Variants in PBX1 observed in about 807,000 individuals in gnomAD.
PBX1 encodes the protein pre-B-cell leukemia transcription factor 1.
A neutral mutation model predicts 53.4 loss-of-function variants in PBX1; 6 were observed. The observed-to-expected ratio is 0.11, with a 90% CI of 0.06 to 0.22. The LOEUF is 0.22. Ranked by LOEUF, PBX1 falls within the 10% of genes least tolerant of loss-of-function variation. The pLI is 1.00. For synonymous variants in PBX1, 204 were observed against 212.3 expected, an observed-to-expected ratio of 0.96 and a Z score of 0.34; for missense variants, 251 against 551.4, an observed-to-expected ratio of 0.46 and a Z score of 5.46.
At chr1:164,754,065 G>A (rs573708610) in intron 2 of PBX1, among the ~76,000 whole-genome samples, 25 of 152,130 alleles carry the variant, frequency 1.6e-4, no homozygotes, top group Non-Finnish European at 3.5e-4. Context: ...TATGTATCTC[G>A]GCAAAGGTGG....
At chr1:164,783,728 GT>G (rs927761470) in intron 2 of PBX1, among the ~76,000 whole-genome samples, 12 of 150,908 alleles carry the variant, frequency 8.0e-5, no homozygotes, top group African/African-American at 1.9e-4. Flanking sequence ...TTTAGTGTAC[GT>G]TTTTTTTTGT....
At chr1:164,839,647 A>G (rs914940392) in intron 8 of PBX1, among the ~76,000 whole-genome samples, 9 of 152,332 alleles carry the variant, frequency 5.9e-5, no homozygotes, top group African/African-American at 1.9e-4. Context: ...TTCTCAGTAC[A>G]GTAAAGGAAG....
intron 2 of PBX1, among the ~76,000 whole-genome samples, chr1:164,673,935 GGGAAA>G (rs1661275664): frequency 6.6e-6 from 1 of 152,174 alleles, no homozygotes; most frequent in East Asian, 1.9e-4. Flanking sequence ...CTCCCTTGTA[GGGAAA>G]GTAAAGGGAT....
At chr1:164,739,614 T>A (rs1169245385) in intron 2 of PBX1, among the ~76,000 whole-genome samples, 1 of 152,184 alleles carries the variant, frequency 6.6e-6, no homozygotes, top group African/African-American at 2.4e-5. Flanking sequence ...TTTGCTTAAA[T>A]TGCTGTCTTT....
chr1:164,690,322 T>G (rs1662392064), intron 2 of PBX1, among the ~76,000 whole-genome samples: 1 of 152,170 alleles, frequency 6.6e-6, no homozygotes, highest in Non-Finnish European at 1.5e-5. Flanking sequence ...TAGAGAGGCC[T>G]CTGTGCTTGC....
chr1:164,674,855 C>G, intron 2 of PBX1: 1 of 88,554 alleles, frequency 1.1e-5, no homozygotes, highest in South Asian at 6.8e-4. Flanking sequence ...CAGCCCCCCC[C>G]CCCCCCCACC....
intron 2 of PBX1, among the ~76,000 whole-genome samples, chr1:164,709,522 G>T (rs1465105428): frequency 6.6e-6 from 1 of 151,982 alleles, no homozygotes; most frequent in African/African-American, 2.4e-5. Flanking sequence ...TGGCAACTCG[G>T]GAAAGACCAC....
intron 2 of PBX1, among the ~76,000 whole-genome samples, chr1:164,754,124 T>A (rs1244883149): frequency 1.3e-5 from 2 of 152,154 alleles, no homozygotes; most frequent in Non-Finnish European, 2.9e-5. Flanking sequence ...TGGGTGATAG[T>A]GTGTGCCCAC....
At chr1:164,835,346 T>C (rs1200171924) in intron 8 of PBX1, among the ~76,000 whole-genome samples, 1 of 151,888 alleles carries the variant, frequency 6.6e-6, no homozygotes, top group Admixed American at 6.6e-5. Flanking sequence ...TTTCTAAAAA[T>C]GGAATTGCTA....
At chr1:164,803,790 T>TGTA (rs1669202430) in intron 4 of PBX1, among the ~76,000 whole-genome samples, 1 of 152,172 alleles carries the variant, frequency 6.6e-6, no homozygotes, top group Non-Finnish European at 1.5e-5. Context: ...TTAAGGAAGA[T>TGTA]GTATGGGAAG....
chr1:164,800,290 C>T (rs755911002), intron 4 of PBX1, among the ~76,000 whole-genome samples: 2 of 152,132 alleles, frequency 1.3e-5, no homozygotes, highest in Non-Finnish European at 2.9e-5. Context: ...GGGATCTTTT[C>T]CACACTGTAG....
chr1:164,726,423 G>A (rs1664702730), intron 2 of PBX1, among the ~76,000 whole-genome samples: 1 of 152,154 alleles, frequency 6.6e-6, no homozygotes, highest in African/African-American at 2.4e-5. Flanking sequence ...ACAGTGATTA[G>A]CAAAGATTGC....
intron 2 of PBX1, among the ~76,000 whole-genome samples, chr1:164,773,699 T>C (rs983157707): frequency 2.0e-5 from 3 of 152,110 alleles, no homozygotes; most frequent in Non-Finnish European, 2.9e-5. Flanking sequence ...GGGCCATGAC[T>C]CTCTCTTCAC....
At chr1:164,587,023 T>C (rs745343166) in intron 2 of PBX1, among the ~76,000 whole-genome samples, 21 of 152,132 alleles carry the variant, frequency 1.4e-4, no homozygotes, top group Non-Finnish European at 2.4e-4. Flanking sequence ...ATGTCATGCA[T>C]AACGAGGTAT....
intron 3 of PBX1, among the ~76,000 whole-genome samples, chr1:164,795,624 T>C (rs1479642149): frequency 2.0e-5 from 3 of 152,236 alleles, no homozygotes; most frequent in Non-Finnish European, 2.9e-5. Context: ...TAATACATTT[T>C]GGATGCTTAA....
chr1:164,587,064 T>C (rs149737004), intron 2 of PBX1, among the ~76,000 whole-genome samples: 40 of 152,290 alleles, frequency 2.6e-4, no homozygotes, highest in African/African-American at 9.4e-4. Context: ...ATGCTTGACA[T>C]TGAGCAGCAT....
chr1:164,790,212 G>C (rs929859600), intron 2 of PBX1, among the ~76,000 whole-genome samples: 2 of 152,106 alleles, frequency 1.3e-5, no homozygotes, highest in African/African-American at 2.4e-5. Context: ...TCTTCAGAGT[G>C]CTTCGGAGAT....
At chr1:164,773,626 G>C (rs1460299413) in intron 2 of PBX1, among the ~76,000 whole-genome samples, 1 of 152,012 alleles carries the variant, frequency 6.6e-6, no homozygotes, top group African/African-American at 2.4e-5. Context: ...GAATAGGTTG[G>C]GACTGGTAGG....
chr1:164,569,096 G>A lies in PBX1; in HGVS notation c.265+5785G>A, dbSNP rs997759132. Among the ~76,000 whole-genome samples, 64 of 152,206 alleles carry A rather than the reference G, an allele frequency of 4.2e-4. 1 individual carries two copies. Among genetic ancestry groups the A allele is most frequent in the African/African-American group, 1.5e-3 (63 of 41,446 alleles). On this transcript the variant is annotated intron_variant, in intron 2 of 8. Transcript: ENST00000420696. ...TTGGGGTGGGTATACCTCACACTCT[G>A]TGCTAGTTCTGGACCTTCTACTAAG...
Sources: gnomAD v4.1 joint callset for allele counts (sites outside exome capture counted in the v4.1 genomes callset) on GRCh38, gnomAD v4.1.1 for gene constraint, MANE v1.5 for transcripts, NCBI Gene and HGNC (gene_info 2026-07-23, HGNC 2026-07-21) for gene names.